The following KLHL11 variants were observed in gnomAD, a reference collection of about 807,000 sequenced individuals.
KLHL11 encodes kelch like family member 11.
KLHL11 carries 26 observed loss-of-function variants against 56.1 expected under a neutral mutation model. The ratio of observed to expected loss-of-function variants is 0.46; its 90% confidence interval spans 0.34 to 0.64. The LOEUF (loss-of-function observed/expected upper bound fraction) is 0.64. Among genes scored for constraint, KLHL11 ranks in the 30% least tolerant of loss-of-function variants. The pLI, the probability that KLHL11 is intolerant of heterozygous loss-of-function variation, is 0.01. For missense variants in KLHL11, 627 were observed against 919.4 expected, an observed-to-expected ratio of 0.68 and a Z score of 4.11; for synonymous variants, 338 against 345.8, an observed-to-expected ratio of 0.98 and a Z score of 0.25.
Position 41,865,385 on chromosome 17 carries a change from GC to G in KLHL11, c.-16del. ...GCAGCCGCCATCTTGACGCCGCTGC[GC>G]CCGGCCTCCACAGCCTCGGAACGAT... On this transcript the variant is annotated 5_prime_UTR_variant, in exon 1 of 2. Transcript: ENST00000319121. 7.3e-7 allele frequency: 1 copy of G among 1,372,948 alleles called. No individual in the cohort carries two copies. The highest frequency in any genetic ancestry group is 9.5e-7 in the Non-Finnish European group (1 of 1,054,834). 85.0% of individuals were successfully genotyped at this position (1,372,948 alleles called of 1,614,324 possible).
At chr17:41,856,181 G>A (rs1296427552) in intron 1 of KLHL11, among the ~76,000 whole-genome samples, 1 of 151,562 alleles carries the variant, frequency 6.6e-6, no homozygotes, top group Non-Finnish European at 1.5e-5. Context: ...AGTAGAGATG[G>A]GGTTTCACCA....
chr17:41,855,927 C>T (rs1223516526), intron 1 of KLHL11, among the ~76,000 whole-genome samples: 4 of 149,620 alleles, frequency 2.7e-5, no homozygotes, highest in African/African-American at 7.4e-5. Flanking sequence ...CCGCCTCCCT[C>T]GGCCTCCCGA....
Position 41,854,763 on chromosome 17 carries a change from T to A in KLHL11, c.1104A>T (p.Ser368=), listed in dbSNP as rs782163162. ...MDVIMVIGGV[S]EGGDYLSECV... ...ATTCACTTAAATAGTCCCCTCCTTCTGACACACCTCCAATAACCATGATCA... is the reference window on the plus strand; with the variant it reads ...ATTCACTTAAATAGTCCCCTCCTTCAGACACACCTCCAATAACCATGATCA... The change falls in exon 2 of 2, where the codon TCA becomes TCT. Residue 368 remains serine (S), a synonymous_variant. Coordinates refer to ENST00000319121, the MANE Select transcript of KLHL11 (RefSeq NM_018143.3). The surrounding 1 kb of genome is among the most constrained non-coding windows in gnomAD (Gnocchi z 4.9). 11 of 1,614,202 alleles carry A rather than the reference T, an allele frequency of 6.8e-6. No individual in the cohort carries two copies. The highest frequency in any genetic ancestry group is 8.5e-6 in the Non-Finnish European group (10 of 1,180,036).
chr17:41,855,983 TC>T (rs67536905), intron 1 of KLHL11, among the ~76,000 whole-genome samples: 45 of 78,034 alleles, frequency 5.8e-4, no homozygotes, highest in Non-Finnish European at 6.3e-4. Context: ...GCCTACACCA[TC>T]CCCCCCCCAA....
chr17:41,855,292 C>T lies in KLHL11; in HGVS notation c.575G>A (p.Cys192Tyr). 4.4e-6 allele frequency: 7 copies of T among 1,586,716 alleles called. No individual in the cohort carries two copies. The highest frequency in any genetic ancestry group is 1.8e-5 in the Admixed American group (1 of 57,106). ...RFLLIRLKEF[C>Y]GEFLKKKLHL... Reference sequence around the variant, plus strand: ...AAGTTTTTTCTTGAGAAATTCTCCACAAAATTCTTTTAAACGAATGAGTAG... The same window carrying T: ...AAGTTTTTTCTTGAGAAATTCTCCATAAAATTCTTTTAAACGAATGAGTAG... The change falls in exon 2 of 2, where the codon TGT becomes TAT. Residue 192 changes from cysteine (C) to tyrosine (Y), a missense_variant. Physicochemically the swap from Cys to Tyr is radical, Grantham distance 194 (BLOSUM62 -2). Around this residue, in one of 4 missense-constraint regions of KLHL11, gnomAD observed 150 missense variants for 215.7 expected, o/e 0.70. Coordinates refer to ENST00000319121, the MANE Select transcript of KLHL11 (RefSeq NM_018143.3).
chr17:41,853,633 G>T lies in KLHL11; in HGVS notation c.*107C>A. 7.6e-7 allele frequency: 1 copy of T among 1,318,456 alleles called. No individual in the cohort carries two copies. The highest frequency in any genetic ancestry group is 1.0e-6 in the Non-Finnish European group (1 of 968,504). The allele number at this position is 1,318,456 out of a possible 1,614,324, so 81.7% of individuals were successfully genotyped here. ...TTTCCTTTATATGGGGTAATAATCA[G>T]TTCATGTAGAAAATAAGTTATCGAC... On this transcript the variant is annotated 3_prime_UTR_variant, in exon 2 of 2. Transcript: ENST00000319121.
chr17:41,857,720 T>C (rs2048375073), intron 1 of KLHL11, among the ~76,000 whole-genome samples: 1 of 152,130 alleles, frequency 6.6e-6, no homozygotes, highest in African/African-American at 2.4e-5. Context: ...CACAGTGCGC[T>C]ACAGCCCCAA....
In KLHL11 at chr17:41,852,653, T is replaced by C. The variant is rs1175283233; in HGVS notation, c.*1087A>G. ...TAAAAGCACAAAAATTAGCCAGGCG[T>C]GATGGTGGGTACCTGTAATCCCAGC... On this transcript the variant is annotated 3_prime_UTR_variant, in exon 2 of 2. Coordinates refer to ENST00000319121, the MANE Select transcript of KLHL11 (RefSeq NM_018143.3). Among the ~76,000 whole-genome samples the C allele has an allele frequency of 1.3e-5, 2 of 151,198 alleles. No homozygotes were observed. The highest frequency in any genetic ancestry group is 2.9e-5 in the Non-Finnish European group (2 of 67,862).
At position 41,850,732 on chromosome 17, in the gene KLHL11, C is replaced by T. The variant is rs1213181347; in HGVS notation, c.*3008G>A. The stretch of plus-strand genomic sequence containing the variant: ...CAAATGGCTTTTACTAAAATAACTA[C>T]AAAGAAATAGAAATTGAGAAAAAGG... On this transcript the variant is annotated 3_prime_UTR_variant, in exon 2 of 2. Transcript: ENST00000319121. 2 of 152,008 alleles carry T rather than the reference C, an allele frequency of 1.3e-5. No individual in the cohort carries two copies. Among genetic ancestry groups the T allele is most frequent in the African/African-American group, 4.8e-5 (2 of 41,386 alleles). 9.4% of individuals were successfully genotyped at this position (152,008 alleles called of 1,614,324 possible). A position where few individuals can be genotyped will look rare whatever the true frequency, so the allele number is the denominator to read the frequency against.
intron 1 of KLHL11, among the ~76,000 whole-genome samples, chr17:41,856,939 G>T (rs2048370343): frequency 6.6e-6 from 1 of 152,070 alleles, no homozygotes; most frequent in Non-Finnish European, 1.5e-5. Context: ...AGAATCACTT[G>T]AATCTGGGAG....
chr17:41,863,127 C>T (rs1373631276), intron 1 of KLHL11, among the ~76,000 whole-genome samples: 5 of 152,014 alleles, frequency 3.3e-5, no homozygotes, highest in African/African-American at 1.2e-4. Context: ...CCACAACCTC[C>T]TACACTAGTC....
intron 1 of KLHL11, among the ~76,000 whole-genome samples, chr17:41,858,548 T>TGAG (rs1567874646): frequency 6.6e-6 from 1 of 151,944 alleles, no homozygotes; most frequent in Non-Finnish European, 1.5e-5. Flanking sequence ...TTCTCCTGCC[T>TGAG]CAGCCTCCCG....
chr17:41,865,270 G>T lies in KLHL11; in HGVS notation c.101C>A (p.Ala34Glu). Residue 34 changes from alanine to glutamate, a missense_variant, in exon 1 of 2, where the codon GCA becomes GAA. Ala to Glu is a moderately radical substitution (Grantham distance 107). Around this residue, in one of 4 missense-constraint regions of KLHL11, gnomAD observed 121 missense variants for 116.2 expected, o/e 1.04. Transcript: ENST00000319121. ...ESMETAAAGS[A>E]GLAAEVRGSG... The stretch of plus-strand genomic sequence containing the variant: ...GCCTCGGACCTCGGCGGCCAGTCCT[G>T]CCGAGCCGGCGGCGGCCGTCTCCAT... 1 of 1,574,412 alleles carries T rather than the reference G, an allele frequency of 6.4e-7. No individual in the cohort carries two copies.
rs908849627 is a variant in KLHL11, at chr17:41,852,455, T to C, written c.*1285A>G. 2.9e-4 allele frequency among the ~76,000 whole-genome samples: 44 copies of C among 152,170 alleles called. No homozygotes were observed. The highest frequency in any genetic ancestry group is 1.0e-3 in the African/African-American group (42 of 41,442). On this transcript the variant is annotated 3_prime_UTR_variant, in exon 2 of 2. Transcript: ENST00000319121. ...TCTCTTTAGCAACATTTCTCTAAAT[T>C]GTGACTTCCTTCCCATTTTGGAAAA...
chr17:41,865,338 CGCCGCCGCCGCCGCCACTGCCGCA>C lies in KLHL11; in HGVS notation c.9_32del (p.Val6_Ala13del), dbSNP rs2048436264. 1 of 1,436,414 alleles carries C rather than the reference CGCCGCCGCCGCCGCCACTGCCGCA, an allele frequency of 7.0e-7. No individual in the cohort carries two copies. The highest frequency in any genetic ancestry group is 9.0e-7 in the Non-Finnish European group (1 of 1,108,090). The allele number at this position is 1,436,414 out of a possible 1,614,324, so 89.0% of individuals were successfully genotyped here. ...CCTGAAGAGATGCAGCCGCGGCCGC[CGCCGCCGCCGCCGCCACTGCCGCA>C]GCCGCCATCTTGACGCCGCTGCGCC... On this transcript the variant is annotated inframe_deletion, in exon 1 of 2. Transcript: ENST00000319121.
At position 41,849,595 on chromosome 17, in the gene KLHL11, T is replaced by C. The variant is rs1410474286; in HGVS notation, c.*4145A>G. On this transcript the variant is annotated 3_prime_UTR_variant, in exon 2 of 2. Coordinates refer to ENST00000319121, the MANE Select transcript of KLHL11 (RefSeq NM_018143.3). Reference sequence around the variant, plus strand: ...ATTAAAAAGGTATATTTAAATTTTTTGGTCCCAGAAATACTATATAAAACC... The same window carrying C: ...ATTAAAAAGGTATATTTAAATTTTTCGGTCCCAGAAATACTATATAAAACC... 6.6e-6 allele frequency: 1 copy of C among 152,244 alleles called. No individual in the cohort carries two copies. The highest frequency in any genetic ancestry group is 2.4e-5 in the African/African-American group (1 of 41,476). The allele number at this position is 152,244 out of a possible 1,614,324, so 9.4% of individuals were successfully genotyped here.
chr17:41,860,544 C>G (rs1555622982), intron 1 of KLHL11, among the ~76,000 whole-genome samples: 2 of 152,054 alleles, frequency 1.3e-5, no homozygotes, highest in African/African-American at 4.8e-5. Context: ...TAGTAAAATG[C>G]CCAGAGTATC....
chr17:41,848,619 T>C lies in KLHL11; in HGVS notation c.*5121A>G. 3.6e-6 allele frequency: 1 copy of C among 275,958 alleles called. No homozygotes were observed. Among genetic ancestry groups the C allele is most frequent in the Non-Finnish European group, 6.9e-6 (1 of 144,072 alleles). 17.1% of individuals were successfully genotyped at this position (275,958 alleles called of 1,614,324 possible). A position where few individuals can be genotyped will look rare whatever the true frequency, so the allele number is the denominator to read the frequency against. On this transcript the variant is annotated 3_prime_UTR_variant, in exon 2 of 2. Transcript: ENST00000319121. The stretch of plus-strand genomic sequence containing the variant: ...ACATAAAACAAGCTATTTTACAATG[T>C]CATGTCTCAAGGTGTTCTAAATGCT...
chr17:41,863,135 G>A (rs369105815), intron 1 of KLHL11, among the ~76,000 whole-genome samples: 45 of 150,954 alleles, frequency 3.0e-4, no homozygotes, highest in African/African-American at 1.1e-3. Context: ...TCCTACACTA[G>A]TCTCTCTGCG....
Sources: allele counts gnomAD v4.1 joint callset (sites outside exome capture counted in the v4.1 genomes callset), GRCh38; gene constraint gnomAD v4.1.1; regional missense constraint gnomAD v4.1.1; non-coding constraint Gnocchi (gnomAD v3.1); transcripts MANE v1.5; gene names NCBI Gene and HGNC (gene_info 2026-07-23, HGNC 2026-07-21).